The following ACTR3C variants were observed in gnomAD, a reference collection of about 807,000 sequenced individuals.
The protein encoded by ACTR3C is actin related protein 3C, also known as actin-related protein 3C.
A neutral mutation model predicts 26.3 loss-of-function variants in ACTR3C; 18 were observed. The ratio of observed to expected loss-of-function variants is 0.68; its 90% CI spans 0.47 to 1.01. The LOEUF is 1.01. ACTR3C is among the 50% of genes least tolerant of loss of function. ACTR3C has a pLI of 0.00. For synonymous variants in ACTR3C, 55 were observed against 94.5 expected, an observed-to-expected ratio of 0.58 and a Z score of 2.42; for missense variants, 184 against 250.7, an observed-to-expected ratio of 0.73 and a Z score of 1.80.
At chr7:149,968,273 C>T in the ACTR3C span, among the ~76,000 whole-genome samples, 216 of 152,330 alleles carry the variant, frequency 1.4e-3, no homozygotes, top group Admixed American at 3.5e-3. Context: ...GGGCTGGGCA[C>T]GGTGTCTCAC....
the ACTR3C span, among the ~76,000 whole-genome samples, chr7:150,167,755 G>T: frequency 6.6e-6 from 1 of 150,572 alleles, no homozygotes; most frequent in African/African-American, 2.5e-5. Flanking sequence ...GGGAGCAGGG[G>T]CAGTGTCTGC....
At chr7:150,067,071 G>C in the ACTR3C span, among the ~76,000 whole-genome samples, 1 of 152,226 alleles carries the variant, frequency 6.6e-6, no homozygotes, top group African/African-American at 2.4e-5. Context: ...CAAAGACAGA[G>C]ACGAAGGGAC....
the ACTR3C span, among the ~76,000 whole-genome samples, chr7:150,138,537 G>A: frequency 6.6e-6 from 1 of 152,178 alleles, no homozygotes; most frequent in Non-Finnish European, 1.5e-5. Flanking sequence ...ATCCATTCAG[G>A]CTCTTGTAAG....
the ACTR3C span, among the ~76,000 whole-genome samples, chr7:150,113,107 C>T: frequency 6.4e-4 from 98 of 152,112 alleles, 1 homozygote; most frequent in East Asian, 0.013. Context: ...GCTGCAGCAC[C>T]CCACAGCTCT....
chr7:149,928,965 T>C, the ACTR3C span, among the ~76,000 whole-genome samples: 2 of 152,218 alleles, frequency 1.3e-5, no homozygotes, highest in Non-Finnish European at 2.9e-5. Flanking sequence ...GACGGCATAA[T>C]GGATTATCAT....
chr7:149,964,147 G>A, the ACTR3C span, among the ~76,000 whole-genome samples: 7 of 152,186 alleles, frequency 4.6e-5, no homozygotes, highest in East Asian at 3.9e-4. Context: ...TGTATATACC[G>A]GGAGGGGGAG....
At chr7:150,035,811 GCTCT>G in the ACTR3C span, among the ~76,000 whole-genome samples, 1 of 130,310 alleles carries the variant, frequency 7.7e-6, no homozygotes, top group Admixed American at 7.3e-5. Flanking sequence ...CCAGGGACTG[GCTCT>G]CAGTCCCTGC....
chr7:150,002,839 C>T, the ACTR3C span: 1 of 152,190 alleles, frequency 6.6e-6, no homozygotes, highest in East Asian at 1.9e-4. Context: ...TTAAAGGAAA[C>T]ACCCTTGGCC....
the ACTR3C span, among the ~76,000 whole-genome samples, chr7:150,161,856 CCAA>C: frequency 9.8e-4 from 149 of 152,000 alleles, no homozygotes; most frequent in African/African-American, 3.3e-3. Context: ...TAAGAGTGTT[CCAA>C]CAACAACAAC....
the ACTR3C span, among the ~76,000 whole-genome samples, chr7:150,109,871 C>T: frequency 6.2e-5 from 9 of 144,660 alleles, no homozygotes; most frequent in South Asian, 1.3e-3. Flanking sequence ...GTCACTCCTT[C>T]GTCCTCTTTT....
At chr7:150,088,842 G>A in the ACTR3C span, among the ~76,000 whole-genome samples, 268 of 152,222 alleles carry the variant, frequency 1.8e-3, 2 homozygotes, top group Admixed American at 0.017. Context: ...GAATGGATTC[G>A]ATAATCACTC....
the ACTR3C span, among the ~76,000 whole-genome samples, chr7:149,919,236 A>T: frequency 6.6e-6 from 1 of 151,206 alleles, no homozygotes; most frequent in Non-Finnish European, 1.5e-5. Context: ...CTTATTTTTG[A>T]ACCATCCTTT....
chr7:150,047,718 G>C, the ACTR3C span: 1 of 1,169,040 alleles, frequency 8.6e-7, no homozygotes. Context: ...CTGCGCCCGC[G>C]GGCCGAGGGG....
the ACTR3C span, among the ~76,000 whole-genome samples, chr7:149,965,797 C>T: frequency 7.9e-5 from 12 of 152,290 alleles, no homozygotes; most frequent in African/African-American, 2.4e-5. Flanking sequence ...ATTTTCCAAA[C>T]TTATTAGATC....
downstream of ACTR3C, among the ~76,000 whole-genome samples, chr7:150,240,900 C>T (rs946714000): frequency 4.6e-5 from 7 of 152,138 alleles, no homozygotes; most frequent in East Asian, 3.9e-4. Flanking sequence ...TTTATCTATA[C>T]GCTAGCAATG....
At chr7:150,008,559 T>G in the ACTR3C span, among the ~76,000 whole-genome samples, 1 of 152,008 alleles carries the variant, frequency 6.6e-6, no homozygotes, top group Non-Finnish European at 1.5e-5. Context: ...AGCACGAGTT[T>G]CTCTTAAAAA....
At chr7:150,264,073 C>G (rs144846415) in intron 6 of ACTR3C, among the ~76,000 whole-genome samples, 1 of 152,204 alleles carries the variant, frequency 6.6e-6, no homozygotes, top group Non-Finnish European at 1.5e-5. Flanking sequence ...GCTGCACACA[C>G]CACCCCACGA....
At chr7:150,054,365 T>C in the ACTR3C span, among the ~76,000 whole-genome samples, 5 of 152,202 alleles carry the variant, frequency 3.3e-5, no homozygotes, top group African/African-American at 9.7e-5. Context: ...TTGAGACTGG[T>C]CATGTGACTT....
In ACTR3C at chr7:150,293,415, A is replaced by G. The variant is rs747571118; in HGVS notation, c.50T>C (p.Val17Ala). 8.2e-6 allele frequency: 13 copies of G among 1,586,898 alleles called. No homozygotes were observed. The highest frequency in any genetic ancestry group is 5.3e-5 in the Admixed American group (3 of 56,240). The change falls in exon 3 of 8, where the codon GTG (valine) becomes GCG (alanine). Residue 17 changes from valine (V) to alanine (A), a missense_variant. Transcript: ENST00000683684. Reference protein sequence around the residue: ...VPGLYIAVQAVLALAASWTSR... With the variant: ...VPGLYIAVQAALALAASWTSR... Reference sequence around the variant, plus strand: ...TGTCCAAGATGCCGCCAAGGCCAGCACTGCCTGGAGAAAAGACATGAAAAC... The same window carrying G: ...TGTCCAAGATGCCGCCAAGGCCAGCGCTGCCTGGAGAAAAGACATGAAAAC...
Sources: gnomAD v4.1 joint callset for allele counts (sites outside exome capture counted in the v4.1 genomes callset) on GRCh38, gnomAD v4.1.1 for gene constraint, MANE v1.5 for transcripts, NCBI Gene and HGNC (gene_info 2026-07-23, HGNC 2026-07-21) for gene names.